The following CDKAL1 variants were observed in gnomAD, a reference collection of about 807,000 sequenced individuals.
CDKAL1 encodes the protein CDKAL1 threonylcarbamoyladenosine tRNA methylthiotransferase.
A neutral mutation model predicts 68.2 loss-of-function variants in CDKAL1; 32 were observed. The observed-to-expected ratio is 0.47, with a 90% CI of 0.35 to 0.63. The LOEUF (loss-of-function observed/expected upper bound fraction) is 0.63, where lower values mean the gene tolerates loss of function less well. Among genes scored for constraint, CDKAL1 ranks in the 30% least tolerant of loss-of-function variants. The pLI, the probability that CDKAL1 is intolerant of heterozygous loss-of-function variation, is 0.00. For synonymous variants in CDKAL1, 234 were observed against 244.3 expected (o/e 0.96, Z 0.39); for missense variants, 606 against 696.7 (o/e 0.87, Z 1.47).
At chr6:21,208,653 C>T (rs780635172) in intron 15 of CDKAL1, among the ~76,000 whole-genome samples, 1 of 151,922 alleles carries the variant, frequency 6.6e-6, no homozygotes, top group African/African-American at 2.4e-5. Context: ...AATTCTTCAT[C>T]GCTGCTAAGT....
intron 8 of CDKAL1, among the ~76,000 whole-genome samples, chr6:20,784,339 T>C (rs1258235432): frequency 1.3e-5 from 2 of 151,402 alleles, no homozygotes; most frequent in African/African-American, 2.4e-5. Context: ...TGTTATACTG[T>C]ATTTTAAAAA....
At chr6:20,578,463 A>G (rs146885522) in intron 4 of CDKAL1, among the ~76,000 whole-genome samples, 1 of 152,174 alleles carries the variant, frequency 6.6e-6, no homozygotes, top group African/African-American at 2.4e-5. Flanking sequence ...TTTATTCAAG[A>G]TACTGTTTTT....
intron 10 of CDKAL1, among the ~76,000 whole-genome samples, chr6:20,980,306 C>G (rs939283759): frequency 1.3e-5 from 2 of 152,046 alleles, no homozygotes; most frequent in African/African-American, 4.8e-5. Context: ...GGCGCGATCT[C>G]GGCTCACTGC....
chr6:20,621,787 AC>A (rs1227128485), intron 4 of CDKAL1, among the ~76,000 whole-genome samples: 2 of 104,974 alleles, frequency 1.9e-5, no homozygotes, highest in African/African-American at 7.3e-5. Context: ...TTTTTTTTTG[AC>A]CACTTTTTGG....
At chr6:21,212,373 G>T (rs1189611366) in intron 15 of CDKAL1, among the ~76,000 whole-genome samples, 1 of 152,116 alleles carries the variant, frequency 6.6e-6, no homozygotes, top group Non-Finnish European at 1.5e-5. Flanking sequence ...CCTACTCTTT[G>T]AAGTCATTTG....
At chr6:20,746,810 A>G (rs975536968) in intron 6 of CDKAL1, among the ~76,000 whole-genome samples, 10 of 152,240 alleles carry the variant, frequency 6.6e-5, no homozygotes, top group African/African-American at 2.2e-4. Context: ...AGAGTCAAGC[A>G]AAATAACTTA....
intron 5 of CDKAL1, among the ~76,000 whole-genome samples, chr6:20,655,603 A>G (rs1768989657): frequency 6.6e-6 from 1 of 152,172 alleles, no homozygotes; most frequent in African/African-American, 2.4e-5. Flanking sequence ...TGAACTGTAC[A>G]TGTGAGGGAT....
intron 5 of CDKAL1, among the ~76,000 whole-genome samples, chr6:20,684,888 ATTTC>A (rs1327064801): frequency 1.3e-5 from 2 of 152,072 alleles, no homozygotes; most frequent in African/African-American, 4.8e-5. Flanking sequence ...GAGTTTTAAT[ATTTC>A]TTCATGTATT....
At chr6:20,623,660 G>T (rs1392767297) in intron 4 of CDKAL1, among the ~76,000 whole-genome samples, 2 of 152,036 alleles carry the variant, frequency 1.3e-5, no homozygotes, top group African/African-American at 4.8e-5. Flanking sequence ...TTTAATAGGG[G>T]AATATTTGTT....
At chr6:20,761,971 ACT>A (rs1002473691) in intron 7 of CDKAL1, among the ~76,000 whole-genome samples, 5 of 151,928 alleles carry the variant, frequency 3.3e-5, no homozygotes, top group African/African-American at 1.2e-4. Flanking sequence ...CAAACGTACC[ACT>A]CTGTTGTAGG....
At chr6:20,556,048 G>C (rs1310999446) in intron 4 of CDKAL1, among the ~76,000 whole-genome samples, 1 of 152,044 alleles carries the variant, frequency 6.6e-6, no homozygotes, top group Admixed American at 6.6e-5. Context: ...GTTAATTTCA[G>C]TGCTGAGTTG....
intron 5 of CDKAL1, among the ~76,000 whole-genome samples, chr6:20,736,137 TTCTC>T (rs57962971): frequency 0.12 from 18,133 of 151,808 alleles, 1,328 homozygotes; most frequent in East Asian, 0.33. Flanking sequence ...TTTTTTTTTT[TTCTC>T]TCTGTTTTCT....
At chr6:21,087,741 G>C (rs1265600649) in intron 12 of CDKAL1, among the ~76,000 whole-genome samples, 1 of 151,904 alleles carries the variant, frequency 6.6e-6, no homozygotes, top group Non-Finnish European at 1.5e-5. Context: ...TTATATATGT[G>C]TGTTTATATA....
In CDKAL1 at chr6:21,093,694, C is replaced by CTTTTTTTTTTTTT. The variant is rs547923386; in HGVS notation, c.1237-14679_1237-14667dup. Among the ~76,000 whole-genome samples, 5 of 88,082 alleles carry CTTTTTTTTTTTTT rather than the reference C, an allele frequency of 5.7e-5. 1 individual carries two copies. Among genetic ancestry groups the CTTTTTTTTTTTTT allele is most frequent in the African/African-American group, 2.3e-4 (5 of 21,918 alleles). 57.8% of individuals were successfully genotyped at this position (88,082 alleles called of 152,430 possible). ...ATAACCAACTGAGCTGCTGCTGCTG[C>CTTTTTTTTTTTTT]TTTTTTTTTTTTTTTTTTTTTTTTT... On this transcript the variant is annotated intron_variant, in intron 12 of 15. Transcript: ENST00000274695.
chr6:20,841,701 C>T (rs889168341), intron 8 of CDKAL1, among the ~76,000 whole-genome samples: 1 of 152,172 alleles, frequency 6.6e-6, no homozygotes, highest in African/African-American at 2.4e-5. Context: ...TTGAGGGACC[C>T]AGCCTGGGTA....
At chr6:20,614,733 G>T (rs185530797) in intron 4 of CDKAL1, among the ~76,000 whole-genome samples, 6 of 152,072 alleles carry the variant, frequency 3.9e-5, no homozygotes, top group Non-Finnish European at 8.8e-5. Flanking sequence ...GTAGTTCTGC[G>T]TGTAGCTTTA....
intron 13 of CDKAL1, among the ~76,000 whole-genome samples, chr6:21,194,543 C>T (rs183907556): frequency 6.6e-6 from 1 of 152,296 alleles, no homozygotes; most frequent in East Asian, 1.9e-4. Flanking sequence ...TGCAGATGCC[C>T]TGCCTTAGTT....
At chr6:21,124,992 C>G (rs527314536) in intron 13 of CDKAL1, among the ~76,000 whole-genome samples, 43 of 152,212 alleles carry the variant, frequency 2.8e-4, no homozygotes, top group African/African-American at 1.0e-3. Context: ...TCTCTGTGGT[C>G]TCAGTGTCTA....
intron 2 of CDKAL1, among the ~76,000 whole-genome samples, chr6:20,536,268 C>A (rs1367176298): frequency 6.6e-6 from 1 of 151,938 alleles, no homozygotes; most frequent in African/African-American, 2.4e-5. Context: ...TCTGTTTTTC[C>A]TTTTGTTGCT....
Sources: allele counts gnomAD v4.1 joint callset (sites outside exome capture counted in the v4.1 genomes callset), GRCh38; gene constraint gnomAD v4.1.1; transcripts MANE v1.5; gene names NCBI Gene and HGNC (gene_info 2026-07-23, HGNC 2026-07-21).